Variants in NF1 observed in about 807,000 individuals in gnomAD.
The protein encoded by NF1 is neurofibromin 1.
NF1 carries 122 observed loss-of-function variants against 325.7 expected under a neutral mutation model. The ratio of observed to expected loss-of-function variants is 0.37; its 90% CI spans 0.32 to 0.44. The LOEUF (loss-of-function observed/expected upper bound fraction) is 0.44. Ranked by LOEUF, NF1 falls within the 20% of genes least tolerant of loss-of-function variation. NF1 has a pLI of 1.00. For missense variants in NF1, 2,140 were observed against 3,415.4 expected, an observed-to-expected ratio of 0.63 and a Z score of 9.31; for synonymous variants, 1,091 against 1,186.0, an observed-to-expected ratio of 0.92 and a Z score of 1.65.
intron 1 of NF1, among the ~76,000 whole-genome samples, chr17:31,142,523 T>C (rs1916293567): frequency 6.6e-6 from 1 of 152,206 alleles, no homozygotes; most frequent in African/African-American, 2.4e-5. Context: ...GTGAAAAATA[T>C]GGTTACAAAT....
intron 1 of NF1, among the ~76,000 whole-genome samples, chr17:31,117,168 A>G (rs895905671): frequency 6.6e-6 from 1 of 150,866 alleles, no homozygotes; most frequent in Non-Finnish European, 1.5e-5. Flanking sequence ...TTTAGTAGGG[A>G]TGGGGTTTCA....
intron 12 of NF1, among the ~76,000 whole-genome samples, chr17:31,214,151 GT>G (rs1443070529): frequency 6.6e-6 from 1 of 151,860 alleles, no homozygotes; most frequent in African/African-American, 2.4e-5. Flanking sequence ...TTAGAAAATA[GT>G]TTTTTACATA....
At chr17:31,331,479 TGAAAG>T (rs1030580063) in intron 39 of NF1, 13 of 152,178 alleles carry the variant, frequency 8.5e-5, no homozygotes, top group South Asian at 6.2e-4. Context: ...AAGAAAATAT[TGAAAG>T]GAAAGAGACT....
At chr17:31,360,242 C>G (rs1368885707) in intron 56 of NF1, 3 of 517,386 alleles carry the variant, frequency 5.8e-6, no homozygotes, top group African/African-American at 5.7e-5. Flanking sequence ...GTATTACATT[C>G]AGTCTGTCTT....
intron 36 of NF1, among the ~76,000 whole-genome samples, chr17:31,313,794 A>G (rs1424103444): frequency 1.3e-5 from 2 of 151,878 alleles, no homozygotes; most frequent in Non-Finnish European, 2.9e-5. Flanking sequence ...ATACAAACCT[A>G]GGTGAAAATA....
intron 38 of NF1, among the ~76,000 whole-genome samples, chr17:31,328,511 C>A (rs988871319): frequency 1.3e-5 from 2 of 152,134 alleles, no homozygotes; most frequent in Non-Finnish European, 2.9e-5. Flanking sequence ...TATATACCCA[C>A]AAAAGCTTAA....
intron 8 of NF1, among the ~76,000 whole-genome samples, chr17:31,191,856 G>A (rs2066347570): frequency 6.6e-6 from 1 of 152,128 alleles, no homozygotes; most frequent in African/African-American, 2.4e-5. Flanking sequence ...TTCTTTTTAA[G>A]GTTAGTGAGG....
At position 31,117,672 on chromosome 17, in the gene NF1, C is replaced by CAAAAAAAAAAAAAAAAAAAAAAAAAAA. The variant is rs780828438; in HGVS notation, c.60+22308_60+22334dup. Among the ~76,000 whole-genome samples, 3 of 19,800 alleles carry CAAAAAAAAAAAAAAAAAAAAAAAAAAA rather than the reference C, an allele frequency of 1.5e-4. 1 individual carries two copies. Among genetic ancestry groups the CAAAAAAAAAAAAAAAAAAAAAAAAAAA allele is most frequent in the Non-Finnish European group, 1.1e-4 (1 of 9,344 alleles). The allele number at this position is 19,800 out of a possible 152,430, so 13.0% of individuals were successfully genotyped here. On this transcript the variant is annotated intron_variant, in intron 1 of 57. Transcript: ENST00000358273. ...TGGGTGACAGAGCAAAACTCCATCT[C>CAAAAAAAAAAAAAAAAAAAAAAAAAAA]AAAAAAAAAAAAAAAAAAAAAAAAA...
intron 36 of NF1, chr17:31,295,584 T>C: frequency 3.7e-6 from 6 of 1,614,152 alleles, no homozygotes; most frequent in Non-Finnish European, 5.1e-6. Flanking sequence ...GGAGTCCCTA[T>C]CACATGGGCT....
At chr17:31,361,648 A>G (rs1450714339) in intron 57 of NF1, 1 of 152,194 alleles carries the variant, frequency 6.6e-6, no homozygotes, top group Non-Finnish European at 1.5e-5. Context: ...GTTACTATAT[A>G]TAGTTCTTTT....
intron 1 of NF1, among the ~76,000 whole-genome samples, chr17:31,103,409 A>AT (rs1008456789): frequency 2.0e-5 from 3 of 151,322 alleles, no homozygotes; most frequent in East Asian, 2.0e-4. Context: ...CACCCAGCTA[A>AT]TTTTTTTGTA....
intron 36 of NF1, among the ~76,000 whole-genome samples, chr17:31,275,013 CTTAT>C (rs1280481726): frequency 6.6e-6 from 1 of 152,136 alleles, no homozygotes; most frequent in East Asian, 1.9e-4. Flanking sequence ...TCTTCTCTTT[CTTAT>C]TTATCTTAAG....
intron 1 of NF1, among the ~76,000 whole-genome samples, chr17:31,101,995 A>G (rs764944684): frequency 4.6e-5 from 7 of 152,184 alleles, no homozygotes; most frequent in Non-Finnish European, 8.8e-5. Flanking sequence ...TGTTTTTCAT[A>G]TGATTCCTGG....
intron 30 of NF1, chr17:31,250,934 G>A (rs186597159): frequency 3.8e-4 from 73 of 190,254 alleles, no homozygotes; most frequent in Middle Eastern, 1.9e-3. Context: ...TGAATTAAAG[G>A]TGGTATCAGT....
At chr17:31,109,165 T>C (rs1880018351) in intron 1 of NF1, among the ~76,000 whole-genome samples, 1 of 152,146 alleles carries the variant, frequency 6.6e-6, no homozygotes, top group Non-Finnish European at 1.5e-5. Context: ...TGCAACAACA[T>C]TTTCTCATTC....
chr17:31,359,040 C>T (rs746515727), intron 56 of NF1, 25 bp downstream of exon 56: 1 of 1,609,510 alleles, frequency 6.2e-7, no homozygotes, highest in Non-Finnish European at 8.5e-7. Context: ...TTTTCTCTAA[C>T]TTTTGGCAAA....
intron 30 of NF1, chr17:31,252,284 A>G: frequency 9.6e-6 from 2 of 208,234 alleles, no homozygotes; most frequent in Non-Finnish European, 2.0e-5. Context: ...TCTTCTCCCA[A>G]ATGTTGCAGA....
At chr17:31,219,237 A>G in intron 14 of NF1, 119 bp downstream of exon 14, 1 of 1,059,556 alleles carries the variant, frequency 9.4e-7, no homozygotes, top group South Asian at 1.4e-5. Flanking sequence ...TGGAAATGGT[A>G]TGTTTATGTC....
At chr17:31,288,817 T>C (rs1472987501) in intron 36 of NF1, among the ~76,000 whole-genome samples, 1 of 152,124 alleles carries the variant, frequency 6.6e-6, no homozygotes, top group Non-Finnish European at 1.5e-5. Context: ...GTGTGAGCCA[T>C]GGTGCCTGGC....
Sources: gnomAD v4.1 joint callset for allele counts (sites outside exome capture counted in the v4.1 genomes callset) on GRCh38, gnomAD v4.1.1 for gene constraint, MANE v1.5 for transcripts, NCBI Gene and HGNC (gene_info 2026-07-23, HGNC 2026-07-21) for gene names.